Variants in RRP9 observed in about 807,000 individuals in gnomAD.
RRP9 encodes the protein ribosomal RNA processing 9, U3 small nucleolar RNA binding protein, also known as U3 small nucleolar RNA-interacting protein 2.
Under a neutral mutation model 65.5 loss-of-function variants are expected in RRP9, and 35 were observed. That is an observed-to-expected ratio of 0.53 (90% confidence interval 0.41 to 0.71). The LOEUF (loss-of-function observed/expected upper bound fraction) is 0.71. RRP9 is among the 30% of genes least tolerant of loss of function. The probability of loss-of-function intolerance (pLI) is 0.00; values close to 1 mark genes in which losing one functional copy is unlikely to be tolerated. For synonymous variants in RRP9, 254 were observed against 245.0 expected (o/e 1.04, Z -0.34); for missense variants, 533 against 633.6 (o/e 0.84, Z 1.70).
chr3:51,940,438 C>A (rs1358814789), intron 2 of RRP9, among the ~76,000 whole-genome samples: 6 of 152,212 alleles, frequency 3.9e-5, no homozygotes, highest in South Asian at 2.1e-4. Context: ...TGCAAGCAAC[C>A]ACACCCATCA....
chr3:51,936,397 C>A (rs1699459661), intron 7 of RRP9, 34 bp downstream of exon 7: 1 of 1,614,218 alleles, frequency 6.2e-7, no homozygotes, highest in Non-Finnish European at 8.5e-7. Context: ...TGCACCAGAC[C>A]TCCCGCCTGC....
rs147471449 is a variant in RRP9 at position 51,935,531 on chromosome 3, G to A, written c.837-55C>T. 765 of 1,613,518 alleles carry A rather than the reference G, an allele frequency of 4.7e-4. 2 individuals carry two copies. Among genetic ancestry groups the A allele is most frequent in the East Asian group, 7.1e-4 (32 of 44,846 alleles). On this transcript the variant is annotated intron_variant, in intron 9 of 14. Transcript: ENST00000232888. The stretch of plus-strand genomic sequence containing the variant: ...GGATAGGGGTACTGCATGAACTCAC[G>A]GGCACACACTCCCACACCCTCTCTC...
In RRP9 at chr3:51,935,279, G is replaced by A; in HGVS notation, c.972-20C>T. 3.7e-6 allele frequency: 6 copies of A among 1,614,190 alleles called. No homozygotes were observed. Among genetic ancestry groups the A allele is most frequent in the Non-Finnish European group, 5.1e-6 (6 of 1,180,026 alleles). On this transcript the variant is annotated intron_variant, in intron 10 of 14. Transcript: ENST00000232888. ...GAGCCCCTGGAGAAAGGGGCTGTGA[G>A]GAGCGTGGCCCAAGCCCACCCCCAG...
rs1412512002 is a variant in RRP9, at chr3:51,941,509, T to C, written c.88-18A>G. 1 of 1,612,800 alleles carries C rather than the reference T, an allele frequency of 6.2e-7. No homozygotes were observed. Among genetic ancestry groups the C allele is most frequent in the East Asian group, 2.2e-5 (1 of 44,876 alleles). ...GAGTCGGCCTGGGAATTATACGGTC[T>C]TTTCTTTGGTCAGGGGTCCAGACCA... On this transcript the variant is annotated intron_variant, in intron 1 of 14. Transcript: ENST00000232888.
Position 51,937,954 on chromosome 3 carries a change from A to T in RRP9, c.280+141T>A. On this transcript the variant is annotated intron_variant, in intron 3 of 14. Coordinates refer to ENST00000232888, the MANE Select transcript of RRP9 (RefSeq NM_004704.5). This position sits in a 1 kb window ranked among gnomAD's most constrained non-coding sequence, Gnocchi z 5.0. ...CCCATGAGAGCTTCTGGCCACCCCCACAGGGCAGCCAGCACTGACAGCCTG... is the reference window on the plus strand; with the variant it reads ...CCCATGAGAGCTTCTGGCCACCCCCTCAGGGCAGCCAGCACTGACAGCCTG... The T allele has an allele frequency of 1.1e-6, 1 of 921,728 alleles. No homozygotes were observed. The highest frequency in any genetic ancestry group is 1.6e-6 in the Non-Finnish European group (1 of 608,484). The allele number at this position is 921,728 out of a possible 1,614,324, so 57.1% of individuals were successfully genotyped here. A position where few individuals can be genotyped will look rare whatever the true frequency, so the allele number is the denominator to read the frequency against.
chr3:51,935,058 T>G (rs1699439022), intron 11 of RRP9, 139 bp downstream of exon 11: 1 of 918,018 alleles, frequency 1.1e-6, no homozygotes, highest in Admixed American at 2.4e-5. Flanking sequence ...CTGAGCTCTC[T>G]GCCTCATCAT....
chr3:51,935,148 G>A, intron 11 of RRP9, 49 bp downstream of exon 11: 1 of 1,586,018 alleles, frequency 6.3e-7, no homozygotes, highest in East Asian at 2.3e-5. Context: ...TGGACAGCCA[G>A]CACTCAGGAG....
chr3:51,940,152 T>C (rs886637633), intron 2 of RRP9, among the ~76,000 whole-genome samples: 1 of 151,928 alleles, frequency 6.6e-6, no homozygotes, highest in African/African-American at 2.4e-5. Context: ...GCTACTCAGG[T>C]GGCTGAGGCA....
In RRP9 at chr3:51,934,544, G is replaced by A; in HGVS notation, c.1188C>T (p.His396=). The change falls in exon 13 of 15, where the codon CAC becomes CAT. Residue 396 remains histidine, a synonymous_variant. Transcript: ENST00000232888. This position sits in a 1 kb window ranked among gnomAD's most constrained non-coding sequence, Gnocchi z 4.1. The part of the protein sequence containing the change: ...LNTDLVATGS[H]SSCVRLWQCG... ...ACTGCCAAAGCCGCACACAGGAGCT[G>A]TGGGAGCCTGGGGAGACTGGAACAG... is the stretch of plus-strand genomic sequence containing the variant. 3 of 1,614,090 alleles carry A rather than the reference G, an allele frequency of 1.9e-6. No homozygotes were observed. The highest frequency in any genetic ancestry group is 2.2e-5 in the East Asian group (1 of 44,888).
chr3:51,938,285 T>G, intron 2 of RRP9, 81 bp from the exon 3 acceptor site: 1 of 1,060,262 alleles, frequency 9.4e-7, no homozygotes, highest in Non-Finnish European at 1.4e-6. Flanking sequence ...GATGCTCACC[T>G]TGCCATCCAA....
intron 8 of RRP9, among the ~76,000 whole-genome samples, 182 bp downstream of exon 8, chr3:51,936,075 G>A (rs576373048): frequency 4.6e-5 from 7 of 152,170 alleles, no homozygotes; most frequent in African/African-American, 7.2e-5. Flanking sequence ...AGCTCGGCCC[G>A]GTCTCCCCCA....
At position 51,941,878 on chromosome 3, in the gene RRP9, A is replaced by T; in HGVS notation, c.-11T>A. 6.4e-7 allele frequency: 1 copy of T among 1,572,612 alleles called. No individual in the cohort carries two copies. Among genetic ancestry groups the T allele is most frequent in the Non-Finnish European group, 8.6e-7 (1 of 1,166,838 alleles). On this transcript the variant is annotated 5_prime_UTR_variant, in exon 1 of 15. Transcript: ENST00000232888. ...CGCTGTTGCCGACATGCTGCCCACC[A>T]GGCGTGTAGCAGCGGCCGCAGAACT...
rs377033098 is a variant in RRP9, at chr3:51,937,685, C to T, written c.332G>A (p.Arg111His). ...RAFEEDQVAG[R>H]LKEDVLEQRG... ...CACACTTACCACATCCTCCTTCAGG[C>T]GCCCCGCCACCTGGTCCTCCTCAAA... The change falls in exon 4 of 15, where the codon CGC becomes CAC. Residue 111 changes from arginine (R) to histidine (H), a missense_variant. By Grantham distance (29) the Arg-to-His change is conservative. Coordinates refer to ENST00000232888, the MANE Select transcript of RRP9 (RefSeq NM_004704.5). The surrounding 1 kb of genome is among the most constrained non-coding windows in gnomAD (Gnocchi z 5.0). 4.3e-6 allele frequency: 7 copies of T among 1,614,070 alleles called. No individual in the cohort carries two copies. Among genetic ancestry groups the T allele is most frequent in the African/African-American group, 4.0e-5 (3 of 74,930 alleles).
intron 8 of RRP9, 52 bp downstream of exon 8, chr3:51,936,205 A>G (rs1699456908): frequency 2.6e-6 from 4 of 1,539,704 alleles, no homozygotes; most frequent in South Asian, 2.2e-5. Context: ...CTGAGCCTAG[A>G]ACACTAGCAT....
chr3:51,938,127 G>T lies in RRP9; in HGVS notation c.248C>A (p.Ala83Asp). The T allele has an allele frequency of 6.2e-7, 1 of 1,608,620 alleles. No individual in the cohort carries two copies. The change falls in exon 3 of 15, where the codon GCC becomes GAC. Residue 83 changes from alanine to aspartate, a missense_variant. Physicochemically the swap from Ala to Asp is moderately radical, Grantham distance 126. This residue lies in a region of RRP9 where 449 missense variants were observed against 550.6 expected (regional missense o/e 0.82). Coordinates refer to ENST00000232888, the MANE Select transcript of RRP9 (RefSeq NM_004704.5). ...ACGGAGCTGCTCTAGGTAGAGCTTG[G>T]CCAAGCGCAGCTTCTTTTCCTGTGC... ...ETAQEKKLRL[A>D]KLYLEQLRQQ...
At chr3:51,935,006 T>C (rs906862917) in intron 11 of RRP9, among the ~76,000 whole-genome samples, 191 bp downstream of exon 11, 1 of 151,730 alleles carries the variant, frequency 6.6e-6, no homozygotes, top group South Asian at 2.1e-4. Context: ...AAAGGCCACA[T>C]GACAGGAAGG....
chr3:51,938,229 T>C (rs1313320478), intron 2 of RRP9, 25 bp from the exon 3 acceptor site: 4 of 1,512,002 alleles, frequency 2.6e-6, no homozygotes, highest in Non-Finnish European at 3.6e-6. Flanking sequence ...GGGCTGGGTC[T>C]GAGGGGCTCA....
chr3:51,934,399 C>T lies in RRP9; in HGVS notation c.1260+73G>A. ...GGTTCCCTTCTGGCAGGAAGAAAGA[C>T]CTTAAAGAGCTAACTCCAGGGGCCT... is the stretch of plus-strand genomic sequence containing the variant. On this transcript the variant is annotated intron_variant, in intron 13 of 14. Coordinates refer to ENST00000232888, the MANE Select transcript of RRP9 (RefSeq NM_004704.5). The surrounding 1 kb of genome is among the most constrained non-coding windows in gnomAD (Gnocchi z 4.1). 1 of 1,471,824 alleles carries T rather than the reference C, an allele frequency of 6.8e-7. No individual in the cohort carries two copies. Among genetic ancestry groups the T allele is most frequent in the East Asian group, 2.3e-5 (1 of 43,674 alleles). 91.2% of individuals were successfully genotyped at this position (1,471,824 alleles called of 1,614,324 possible).
In RRP9 at chr3:51,934,569, G is replaced by A; in HGVS notation, c.1181-18C>T. ...GTGGGAGCCTGGGGAGACTGGAACA[G>A]TGAGCAACCCCTGCACCGGCCCACC... On this transcript the variant is annotated intron_variant, in intron 12 of 14. Coordinates refer to ENST00000232888, the MANE Select transcript of RRP9 (RefSeq NM_004704.5). The surrounding 1 kb of genome is among the most constrained non-coding windows in gnomAD (Gnocchi z 4.1). 6.2e-7 allele frequency: 1 copy of A among 1,613,810 alleles called. No homozygotes were observed. The highest frequency in any genetic ancestry group is 1.1e-5 in the South Asian group (1 of 91,070).
Sources: gnomAD v4.1 joint callset for allele counts (sites outside exome capture counted in the v4.1 genomes callset) on GRCh38, gnomAD v4.1.1 for gene constraint, gnomAD v4.1.1 regional missense constraint, Gnocchi (gnomAD v3.1) non-coding constraint, MANE v1.5 for transcripts, NCBI Gene and HGNC (gene_info 2026-07-23, HGNC 2026-07-21) for gene names.